Variants in EDN3 observed in about 807,000 individuals in gnomAD.
The protein encoded by EDN3 is endothelin-3.
EDN3 carries 9 observed loss-of-function variants against 21.4 expected under a neutral mutation model. The observed-to-expected ratio is 0.42, with a 90% CI of 0.25 to 0.73. EDN3 has a LOEUF of 0.73. Ranked by LOEUF, EDN3 falls within the 30% of genes least tolerant of loss-of-function variation. The pLI is 0.26. For missense variants in EDN3, 327 were observed against 309.4 expected, an observed-to-expected ratio of 1.06 and a Z score of -0.43; for synonymous variants, 133 against 126.2, an observed-to-expected ratio of 1.05 and a Z score of -0.36.
At chr20:59,323,676 G>A in intron 4 of EDN3, 1 of 399,906 alleles carries the variant, frequency 2.5e-6, no homozygotes, top group Non-Finnish European at 4.4e-6. Flanking sequence ...GTGACCTGAA[G>A]GAAGGCTGGG....
chr20:59,315,440 G>A (rs777403996), intron 2 of EDN3, among the ~76,000 whole-genome samples: 2 of 152,258 alleles, frequency 1.3e-5, no homozygotes, highest in African/African-American at 2.4e-5. Flanking sequence ...AATGTGAACC[G>A]AGGAAGCAGA....
chr20:59,315,758 G>T (rs998726867), intron 2 of EDN3, among the ~76,000 whole-genome samples: 1 of 152,178 alleles, frequency 6.6e-6, no homozygotes, highest in African/African-American at 2.4e-5. Flanking sequence ...AAATGGTGGG[G>T]ACTGGGGCAG....
intron 2 of EDN3, among the ~76,000 whole-genome samples, chr20:59,308,300 GTT>G: frequency 6.6e-6 from 1 of 152,346 alleles, no homozygotes; most frequent in South Asian, 2.1e-4. Context: ...TCTGTGCCTT[GTT>G]CTGTCTTCTT....
In EDN3 at chr20:59,305,470, C is replaced by A. The variant is rs1479376413; in HGVS notation, c.365+3748C>A. 1.3e-5 allele frequency among the ~76,000 whole-genome samples: 2 copies of A among 152,134 alleles called. No homozygotes were observed. Among genetic ancestry groups the A allele is most frequent in the Admixed American group, 6.5e-5 (1 of 15,274 alleles). The stretch of plus-strand genomic sequence containing the variant: ...TCAGGGTTCTCTAGAGAGACAGAAC[C>A]AACAGGGTGTGTGCATGTCTGCAGA... On this transcript the variant is annotated intron_variant, in intron 2 of 4. Transcript: ENST00000337938. This position sits in a 1 kb window ranked among gnomAD's most constrained non-coding sequence, Gnocchi z 4.2.
chr20:59,312,226 G>T (rs1309469528), intron 2 of EDN3, among the ~76,000 whole-genome samples: 1 of 152,184 alleles, frequency 6.6e-6, no homozygotes, highest in Admixed American at 6.5e-5. Flanking sequence ...ATTCAGAAGG[G>T]TCACTGGGGG....
At chr20:59,312,027 G>A (rs1170761911) in intron 2 of EDN3, among the ~76,000 whole-genome samples, 1 of 147,006 alleles carries the variant, frequency 6.8e-6, no homozygotes, top group Non-Finnish European at 1.5e-5. Context: ...ATGTATCATG[G>A]TGTCGGCATT....
chr20:59,319,064 A>AAT (rs1419159414), intron 2 of EDN3, among the ~76,000 whole-genome samples: 1 of 152,108 alleles, frequency 6.6e-6, no homozygotes, highest in African/African-American at 2.4e-5. Flanking sequence ...CTGAGAAAAA[A>AAT]CGGGCTTGAA....
intron 2 of EDN3, among the ~76,000 whole-genome samples, chr20:59,313,474 A>T (rs1160391319): frequency 6.6e-6 from 1 of 152,222 alleles, no homozygotes; most frequent in Non-Finnish European, 1.5e-5. Context: ...TGATACTGTT[A>T]AAATTCTCAA....
intron 2 of EDN3, among the ~76,000 whole-genome samples, chr20:59,308,919 C>T (rs1049628616): frequency 6.6e-6 from 1 of 152,212 alleles, no homozygotes; most frequent in Non-Finnish European, 1.5e-5. Flanking sequence ...AACCTGTCCA[C>T]CCTGTCCCCT....
Position 59,309,067 on chromosome 20 carries a change from G to A in EDN3, c.365+7345G>A, listed in dbSNP as rs970641869. Among the ~76,000 whole-genome samples, 6 of 152,192 alleles carry A rather than the reference G, an allele frequency of 3.9e-5. No individual in the cohort carries two copies. The East Asian group carries it at 1.2e-3, about 29-fold the overall frequency. ...GGTTGCTGGGCTGGGCTGAGATTCA[G>A]TCCCGCCCTTCCAGCCCCTCCTTTC... On this transcript the variant is annotated intron_variant, in intron 2 of 4. Coordinates refer to ENST00000337938, the MANE Select transcript of EDN3 (RefSeq NM_207034.3).
chr20:59,314,903 C>T (rs1443542402), intron 2 of EDN3, among the ~76,000 whole-genome samples: 4 of 152,182 alleles, frequency 2.6e-5, no homozygotes, highest in African/African-American at 9.7e-5. Flanking sequence ...TGGATGTTTG[C>T]TGAAGCAAAG....
At position 59,321,038 on chromosome 20, in the gene EDN3, G is replaced by A; in HGVS notation, c.387G>A (p.Leu129=). 1 of 1,614,232 alleles carries A rather than the reference G, an allele frequency of 6.2e-7. No homozygotes were observed. Residue 129 remains leucine, a synonymous_variant, in exon 3 of 5, where the codon CTG becomes CTA. Coordinates refer to ENST00000337938, the MANE Select transcript of EDN3 (RefSeq NM_207034.3). ...NTPEQTVPYG[L]SNYRGSFRGK... ...GCAGACAGACGGTGCCCTATGGACT[G>A]TCCAACTACAGAGGAAGCTTCCGGG...
intron 2 of EDN3, among the ~76,000 whole-genome samples, chr20:59,302,116 C>T (rs1311416794): frequency 2.0e-5 from 3 of 152,176 alleles, no homozygotes; most frequent in African/African-American, 4.8e-5. Context: ...ACTGTTGACC[C>T]CACCAGGATC....
intron 2 of EDN3, among the ~76,000 whole-genome samples, chr20:59,308,807 G>A (rs1989599682): frequency 6.6e-6 from 1 of 152,178 alleles, no homozygotes; most frequent in Non-Finnish European, 1.5e-5. Context: ...TGTGATTGGA[G>A]GATGCTGGCT....
chr20:59,316,782 C>T (rs1275811954), intron 2 of EDN3, among the ~76,000 whole-genome samples: 2 of 152,130 alleles, frequency 1.3e-5, no homozygotes, highest in Non-Finnish European at 2.9e-5. Context: ...GTTGTCACCA[C>T]ACCAATCAAA....
In EDN3 at chr20:59,325,474, A is replaced by C. The variant is rs1257479211; in HGVS notation, c.*1015A>C. The stretch of plus-strand genomic sequence containing the variant: ...TCCCACCATGTAAAGTCGCCTGCGC[A>C]GGGGAGGGCTGCCCATCTCCCCAAC... On this transcript the variant is annotated 3_prime_UTR_variant, in exon 5 of 5. Transcript: ENST00000337938. 1 of 152,160 alleles carries C rather than the reference A, an allele frequency of 6.6e-6. No individual in the cohort carries two copies. The highest frequency in any genetic ancestry group is 1.5e-5 in the Non-Finnish European group (1 of 68,024). 9.4% of individuals were successfully genotyped at this position (152,160 alleles called of 1,614,324 possible).
chr20:59,314,174 T>A (rs904072025), intron 2 of EDN3, among the ~76,000 whole-genome samples: 1 of 152,112 alleles, frequency 6.6e-6, no homozygotes, highest in South Asian at 2.1e-4. Context: ...GTGCACACAC[T>A]TGGGGGAAAG....
intron 2 of EDN3, among the ~76,000 whole-genome samples, chr20:59,310,520 C>G (rs1339804874): frequency 6.6e-6 from 1 of 152,180 alleles, no homozygotes; most frequent in Non-Finnish European, 1.5e-5. Context: ...CATCAGCTCT[C>G]TTTCTCATCT....
At chr20:59,302,505 G>T (rs1989117655) in intron 2 of EDN3, among the ~76,000 whole-genome samples, 1 of 152,024 alleles carries the variant, frequency 6.6e-6, no homozygotes, top group Non-Finnish European at 1.5e-5. Flanking sequence ...ACAGGGGGAG[G>T]CTTTGATGAC....
Sources: allele counts gnomAD v4.1 joint callset (sites outside exome capture counted in the v4.1 genomes callset), GRCh38; gene constraint gnomAD v4.1.1; non-coding constraint Gnocchi (gnomAD v3.1); transcripts MANE v1.5; gene names NCBI Gene and HGNC (gene_info 2026-07-23, HGNC 2026-07-21).